The following AKAP19 variants were observed in gnomAD, a reference collection of about 807,000 sequenced individuals.
AKAP19 encodes A-kinase anchoring protein 19.
the AKAP19 span, among the ~76,000 whole-genome samples, chr2:190,075,687 C>T: frequency 2.0e-5 from 3 of 152,038 alleles, no homozygotes; most frequent in Non-Finnish European, 4.4e-5. Flanking sequence ...TATGTTGTAT[C>T]TTTTCCCATC....
At chr2:189,946,542 A>G in the AKAP19 span, among the ~76,000 whole-genome samples, 1 of 152,200 alleles carries the variant, frequency 6.6e-6, no homozygotes, top group African/African-American at 2.4e-5. Context: ...GGAACATTGT[A>G]GTACCAAAAA....
chr2:190,061,559 A>T, the AKAP19 span, among the ~76,000 whole-genome samples: 1 of 152,030 alleles, frequency 6.6e-6, no homozygotes, highest in Non-Finnish European at 1.5e-5. Flanking sequence ...TGTGAGCCAT[A>T]ACCTACCCAA....
the AKAP19 span, among the ~76,000 whole-genome samples, chr2:190,025,814 C>G: frequency 1.3e-5 from 2 of 152,178 alleles, no homozygotes; most frequent in Non-Finnish European, 2.9e-5. Context: ...TGTGTTTAGT[C>G]CCTATAGCTT....
At chr2:189,962,309 G>A in the AKAP19 span, among the ~76,000 whole-genome samples, 18 of 152,182 alleles carry the variant, frequency 1.2e-4, no homozygotes, top group South Asian at 3.3e-3. Context: ...CTAGGTTTGC[G>A]TAAGTATACT....
the AKAP19 span, among the ~76,000 whole-genome samples, chr2:190,022,495 C>T: frequency 3.0e-4 from 45 of 152,222 alleles, no homozygotes; most frequent in Non-Finnish European, 5.6e-4. Context: ...GAAGTAATTT[C>T]TTCTTGCATT....
the AKAP19 span, among the ~76,000 whole-genome samples, chr2:190,136,412 G>A: frequency 1.3e-5 from 2 of 152,116 alleles, no homozygotes; most frequent in Admixed American, 1.3e-4. Context: ...ATTCAGCATA[G>A]ACAAAATGCC....
At chr2:190,003,866 A>G in the AKAP19 span, among the ~76,000 whole-genome samples, 15 of 152,200 alleles carry the variant, frequency 9.9e-5, no homozygotes, top group Admixed American at 2.0e-4. Flanking sequence ...GACTCTGTAT[A>G]AAGAGAAAAA....
chr2:189,950,913 T>A, the AKAP19 span, among the ~76,000 whole-genome samples: 1 of 152,182 alleles, frequency 6.6e-6, no homozygotes. Flanking sequence ...CTATCCCTGT[T>A]ATTAGAATAA....
At chr2:190,064,508 C>T in the AKAP19 span, among the ~76,000 whole-genome samples, 2 of 152,002 alleles carry the variant, frequency 1.3e-5, no homozygotes, top group Non-Finnish European at 2.9e-5. Flanking sequence ...TTTGCCACTT[C>T]TAACTATGTG....
the AKAP19 span, among the ~76,000 whole-genome samples, chr2:190,133,098 C>T: frequency 2.6e-5 from 4 of 151,570 alleles, no homozygotes; most frequent in Non-Finnish European, 5.9e-5. Flanking sequence ...ATTAGCCGGG[C>T]GTGGTGGCGG....
At chr2:189,977,476 C>T in the AKAP19 span, among the ~76,000 whole-genome samples, 2 of 152,186 alleles carry the variant, frequency 1.3e-5, no homozygotes, top group African/African-American at 2.4e-5. Context: ...AATAAAGTCA[C>T]CTCAGACTGA....
chr2:190,079,872 T>TGTGC, the AKAP19 span: 2 of 134,284 alleles, frequency 1.5e-5, no homozygotes, highest in East Asian at 4.3e-4. Context: ...TGTGTGTGTG[T>TGTGC]GTGTGTGTGT....
chr2:190,121,995 T>C, the AKAP19 span, among the ~76,000 whole-genome samples: 22 of 152,316 alleles, frequency 1.4e-4, no homozygotes, highest in South Asian at 1.0e-3. Flanking sequence ...TGAAAAACAA[T>C]GTATCTGTTA....
the AKAP19 span, among the ~76,000 whole-genome samples, chr2:190,193,805 T>C: frequency 6.6e-6 from 1 of 152,156 alleles, no homozygotes; most frequent in African/African-American, 2.4e-5. Flanking sequence ...CACTGATTTC[T>C]GTTCTTACCT....
At chr2:189,916,475 C>G in the AKAP19 span, among the ~76,000 whole-genome samples, 1 of 151,950 alleles carries the variant, frequency 6.6e-6, no homozygotes, top group South Asian at 2.1e-4. Flanking sequence ...GCATGCACCA[C>G]CATGCCCAGC....
chr2:190,177,195 T>G, the AKAP19 span, among the ~76,000 whole-genome samples: 3 of 152,206 alleles, frequency 2.0e-5, no homozygotes, highest in African/African-American at 7.2e-5. This position sits in a 1 kb window ranked among gnomAD's most constrained non-coding sequence, Gnocchi z 4.6. Context: ...TCAGTTGGCT[T>G]TGGCTTCTTA....
chr2:189,962,880 A>G, the AKAP19 span, among the ~76,000 whole-genome samples: 1 of 151,888 alleles, frequency 6.6e-6, no homozygotes, highest in Non-Finnish European at 1.5e-5. Context: ...TATTACATTT[A>G]TATGTATATA....
At chr2:189,923,373 C>G in the AKAP19 span, 5 of 1,612,668 alleles carry the variant, frequency 3.1e-6, no homozygotes, top group South Asian at 1.1e-5. Context: ...GATCCTCGTT[C>G]CATGAACTCC....
chr2:190,187,130 A>G, the AKAP19 span, among the ~76,000 whole-genome samples: 1 of 152,118 alleles, frequency 6.6e-6, no homozygotes, highest in Non-Finnish European at 1.5e-5. Context: ...TATTAATCAC[A>G]TCTACACTGA....
Sources: gnomAD v4.1 joint callset for allele counts (sites outside exome capture counted in the v4.1 genomes callset) on GRCh38, gnomAD v4.1.1 for gene constraint, Gnocchi (gnomAD v3.1) non-coding constraint, MANE v1.5 for transcripts, NCBI Gene and HGNC (gene_info 2026-07-23, HGNC 2026-07-21) for gene names.